COL21A1: variants seen among roughly 807,000 people sequenced by gnomAD.
COL21A1 encodes the protein collagen type XXI alpha 1 chain, also known as collagen alpha-1(XXI) chain.
Under a neutral mutation model 137.9 loss-of-function variants are expected in COL21A1, and 149 were observed. The observed-to-expected ratio is 1.08, with a 90% confidence interval of 0.95 to 1.24. The LOEUF (loss-of-function observed/expected upper bound fraction) is 1.24, where lower values mean the gene tolerates loss of function less well. Ranked by LOEUF, COL21A1 falls within the 50% of genes most tolerant of loss-of-function variation. The probability of loss-of-function intolerance (pLI) is 0.00; values close to 1 mark genes in which losing one functional copy is unlikely to be tolerated. For missense variants in COL21A1, 1,167 were observed against 1,158.4 expected (o/e 1.01, Z -0.11); for synonymous variants, 456 against 391.5 (o/e 1.16, Z -1.95).
At chr6:56,177,027 AGAG>A (rs1004434133) in intron 3 of COL21A1, among the ~76,000 whole-genome samples, 3 of 151,296 alleles carry the variant, frequency 2.0e-5, no homozygotes, top group South Asian at 2.1e-4. Context: ...AGGAAGAAGA[AGAG>A]GAGGAGGAGG....
At chr6:56,061,081 A>G in intron 25 of COL21A1, 44 bp from the exon 26 acceptor site, 1 of 1,526,942 alleles carries the variant, frequency 6.5e-7, no homozygotes, top group Non-Finnish European at 8.8e-7. Flanking sequence ...TAAATATTTC[A>G]GGAGGTATAA....
At chr6:56,374,150 C>T (rs149583081) in intron 1 of COL21A1, among the ~76,000 whole-genome samples, 89 of 152,248 alleles carry the variant, frequency 5.8e-4, no homozygotes, top group African/African-American at 1.9e-3. Context: ...CTTTTTGGCA[C>T]GACTTGTATG....
chr6:56,130,210 T>TAA (rs869124897), intron 12 of COL21A1, among the ~76,000 whole-genome samples: 1 of 32,908 alleles, frequency 3.0e-5, no homozygotes. Flanking sequence ...TATATATATA[T>TAA]AAAATTTCAA....
intron 1 of COL21A1, among the ~76,000 whole-genome samples, chr6:56,292,647 T>A (rs1764076892): frequency 6.6e-6 from 1 of 152,124 alleles, no homozygotes; most frequent in Admixed American, 6.5e-5. Context: ...TGCCAACACA[T>A]GGACACAGCT....
At chr6:56,093,787 T>C (rs183473006) in intron 17 of COL21A1, among the ~76,000 whole-genome samples, 272 of 152,272 alleles carry the variant, frequency 1.8e-3, no homozygotes, top group Admixed American at 4.0e-3. Context: ...TCTGCTGATA[T>C]AACATTATCA....
At chr6:56,227,304 T>C (rs977035386) in intron 1 of COL21A1, among the ~76,000 whole-genome samples, 1 of 152,068 alleles carries the variant, frequency 6.6e-6, no homozygotes, top group Admixed American at 6.6e-5. Context: ...TGGTCTCATA[T>C]CTAGACAAAG....
At chr6:56,064,477 C>T (rs937891417) in intron 24 of COL21A1, 101 bp downstream of exon 24, 1 of 777,134 alleles carries the variant, frequency 1.3e-6, no homozygotes, top group Non-Finnish European at 2.2e-6. Flanking sequence ...CTATATTGTC[C>T]TTCTCCCCAC....
chr6:56,302,031 A>G (rs1366779916), intron 1 of COL21A1, among the ~76,000 whole-genome samples: 4 of 152,084 alleles, frequency 2.6e-5, no homozygotes, highest in East Asian at 1.9e-4. Flanking sequence ...TTCCAGCTTC[A>G]TCCATGTCCC....
At chr6:56,270,474 C>T (rs897521163) in intron 1 of COL21A1, among the ~76,000 whole-genome samples, 1 of 152,202 alleles carries the variant, frequency 6.6e-6, no homozygotes, top group Non-Finnish European at 1.5e-5. Flanking sequence ...TAATGGGAGA[C>T]TTCTACATCC....
At chr6:56,205,345 T>G (rs1476719008) in intron 1 of COL21A1, among the ~76,000 whole-genome samples, 1 of 151,994 alleles carries the variant, frequency 6.6e-6, no homozygotes, top group Non-Finnish European at 1.5e-5. Flanking sequence ...CATAAACAAG[T>G]ATCAATAGCC....
chr6:56,325,519 T>G (rs1462445366), intron 1 of COL21A1, among the ~76,000 whole-genome samples: 3 of 3,910 alleles, frequency 7.7e-4, no homozygotes, highest in African/African-American at 1.5e-3. Flanking sequence ...ATATATTATA[T>G]ATTATATATT....
At chr6:56,258,877 A>C (rs1266726012) in intron 1 of COL21A1, among the ~76,000 whole-genome samples, 1 of 152,204 alleles carries the variant, frequency 6.6e-6, no homozygotes, top group Non-Finnish European at 1.5e-5. Flanking sequence ...TATTTCAAGA[A>C]AAAGAAAAAC....
intron 1 of COL21A1, among the ~76,000 whole-genome samples, chr6:56,197,262 G>A (rs1170011084): frequency 1.3e-5 from 2 of 152,008 alleles, no homozygotes; most frequent in Admixed American, 6.6e-5. Context: ...ACTCCTAGAA[G>A]AAAACACAGG....
intron 7 of COL21A1, among the ~76,000 whole-genome samples, chr6:56,165,418 G>A (rs1776498175): frequency 6.6e-6 from 1 of 152,178 alleles, no homozygotes; most frequent in South Asian, 2.1e-4. Context: ...ACATAAAGTG[G>A]AAGGGAGAAT....
At chr6:56,332,052 G>GT (rs1167485201) in intron 1 of COL21A1, 6 of 152,356 alleles carry the variant, frequency 3.9e-5, no homozygotes, top group African/African-American at 1.2e-4. Flanking sequence ...CAGAAGTGAT[G>GT]TTACCAGACA....
intron 1 of COL21A1, among the ~76,000 whole-genome samples, chr6:56,275,678 A>G (rs551269114): frequency 2.0e-5 from 3 of 152,216 alleles, no homozygotes; most frequent in Non-Finnish European, 4.4e-5. Context: ...GATAGATACC[A>G]TCTCACACCA....
At chr6:56,207,611 G>C (rs1454904406) in intron 1 of COL21A1, among the ~76,000 whole-genome samples, 1 of 152,166 alleles carries the variant, frequency 6.6e-6, no homozygotes, top group Non-Finnish European at 1.5e-5. Context: ...GAAGTACAAA[G>C]AGGAGCTGAT....
chr6:56,341,693 T>C (rs1040098859), intron 1 of COL21A1, among the ~76,000 whole-genome samples: 7 of 152,192 alleles, frequency 4.6e-5, no homozygotes, highest in Non-Finnish European at 7.4e-5. Context: ...CCATAGAATG[T>C]GCAACACCAA....
In COL21A1 at chr6:56,323,435, G is replaced by A. The variant is rs111902659; in HGVS notation, c.-39+70536C>T. Among the ~76,000 whole-genome samples, 448 of 152,244 alleles carry A rather than the reference G, an allele frequency of 2.9e-3. 2 individuals carry two copies. The highest frequency in any genetic ancestry group is 0.011 in the African/African-American group (437 of 41,556). The stretch of plus-strand genomic sequence containing the variant: ...GACCAAGTCTCGCTCTGTTACCCAG[G>A]CTGGAGTGCAATGGCACAATCTCAG... On this transcript the variant is annotated intron_variant, in intron 1 of 28. Coordinates refer to the COL21A1 transcript ENST00000370819.
Sources: allele counts gnomAD v4.1 joint callset (sites outside exome capture counted in the v4.1 genomes callset), GRCh38; gene constraint gnomAD v4.1.1; transcripts MANE v1.5; gene names NCBI Gene and HGNC (gene_info 2026-07-23, HGNC 2026-07-21).